The following SLC1A2 variants were observed in gnomAD, a reference collection of about 807,000 sequenced individuals.
SLC1A2 encodes excitatory amino acid transporter 2.
A neutral mutation model predicts 48.8 loss-of-function variants in SLC1A2; 15 were observed. The observed-to-expected ratio is 0.31, with a 90% CI of 0.21 to 0.47. SLC1A2 has a LOEUF of 0.47. Ranked by LOEUF, SLC1A2 falls within the 20% of genes least tolerant of loss-of-function variation. SLC1A2 has a pLI of 0.99. For missense variants in SLC1A2, 502 were observed against 730.5 expected (o/e 0.69, Z 3.61); for synonymous variants, 279 against 272.6 (o/e 1.02, Z -0.23).
chr11:35,268,373 A>G (rs1850165250), intron 9 of SLC1A2, among the ~76,000 whole-genome samples: 1 of 152,188 alleles, frequency 6.6e-6, no homozygotes, highest in Non-Finnish European at 1.5e-5. Context: ...CACACTTACT[A>G]TGTATAAGAA....
At chr11:35,299,472 C>G (rs1363851905) in intron 6 of SLC1A2, 1 of 151,932 alleles carries the variant, frequency 6.6e-6, no homozygotes, top group East Asian at 1.9e-4. Context: ...GCCTGAGAAG[C>G]TGAGGGTTCA....
At chr11:35,308,669 G>T (rs1851589744) in intron 4 of SLC1A2, among the ~76,000 whole-genome samples, 1 of 152,050 alleles carries the variant, frequency 6.6e-6, no homozygotes, top group Non-Finnish European at 1.5e-5. Flanking sequence ...GAGACCTCAT[G>T]GCCTAATCAC....
intron 1 of SLC1A2, among the ~76,000 whole-genome samples, chr11:35,362,797 G>T (rs934459814): frequency 5.3e-5 from 8 of 152,156 alleles, no homozygotes; most frequent in Non-Finnish European, 1.0e-4. Context: ...TGGATTTTCA[G>T]GTCTCATGTC....
chr11:35,290,529 G>C (rs1376091020), intron 7 of SLC1A2, among the ~76,000 whole-genome samples: 1 of 151,912 alleles, frequency 6.6e-6, no homozygotes, highest in Admixed American at 6.6e-5. Context: ...GTTATCACTG[G>C]GTGATAGAAT....
chr11:35,262,595 T>A (rs1297711174), intron 10 of SLC1A2, among the ~76,000 whole-genome samples: 3 of 152,212 alleles, frequency 2.0e-5, no homozygotes, highest in African/African-American at 7.2e-5. Context: ...TTCAAAGGAA[T>A]AAGTAAATGT....
chr11:35,356,366 G>A (rs1023854641), intron 1 of SLC1A2, among the ~76,000 whole-genome samples: 12 of 152,144 alleles, frequency 7.9e-5, no homozygotes, highest in Non-Finnish European at 1.8e-4. Context: ...TTGGTGTCCC[G>A]AGATAGTAGA....
chr11:35,282,948 C>A (rs1850689114), intron 8 of SLC1A2, among the ~76,000 whole-genome samples: 1 of 152,050 alleles, frequency 6.6e-6, no homozygotes. Context: ...TCCCTCATTG[C>A]CTTCTGCTTT....
intron 5 of SLC1A2, 107 bp downstream of exon 5, chr11:35,305,967 C>T: frequency 1.0e-6 from 1 of 985,220 alleles, no homozygotes; most frequent in Non-Finnish European, 1.5e-6. Context: ...GAGAGAGCCT[C>T]CTGCTCCACC....
chr11:35,315,808 A>AAACG lies in SLC1A2; in HGVS notation c.158-634_158-633insCGTT, dbSNP rs1555003269. 3 of 139,368 alleles carry AAACG rather than the reference A, an allele frequency of 2.2e-5. No individual in the cohort carries two copies. The Admixed American group carries it at 2.2e-4, about 10-fold the overall frequency. The allele number at this position is 139,368 out of a possible 1,614,324, so 8.6% of individuals were successfully genotyped here. ...GAGACTCCATCTCAAAAAAAAAAAA[A>AAACG]AAAGAAAGAAAGAAAGAAAGAAAAA... On this transcript the variant is annotated intron_variant, in intron 2 of 10. Transcript: ENST00000278379.
intron 1 of SLC1A2, among the ~76,000 whole-genome samples, chr11:35,380,935 C>T (rs775769554): frequency 6.6e-6 from 1 of 151,966 alleles, no homozygotes; most frequent in Non-Finnish European, 1.5e-5. Flanking sequence ...CAACATCTGA[C>T]AAAATTACAC....
chr11:35,325,179 G>A (rs994203033), intron 1 of SLC1A2, among the ~76,000 whole-genome samples: 1 of 152,196 alleles, frequency 6.6e-6, no homozygotes, highest in Non-Finnish European at 1.5e-5. Context: ...AAGCCAGCTT[G>A]CCTTGAAGCA....
chr11:35,256,850 A>G lies in SLC1A2; in HGVS notation c.*4044T>C, dbSNP rs1336424060. On this transcript the variant is annotated 3_prime_UTR_variant, in exon 11 of 11. Transcript: ENST00000278379. ...GTATAACTGCTGTGCACTTTTAGTC[A>G]TCAAACTAGATGAGAGCTAATGAGA... 6.6e-6 allele frequency: 1 copy of G among 152,146 alleles called. No homozygotes were observed. Among genetic ancestry groups the G allele is most frequent in the Non-Finnish European group, 1.5e-5 (1 of 68,032 alleles). The allele number at this position is 152,146 out of a possible 1,614,324, so 9.4% of individuals were successfully genotyped here. A position where few individuals can be genotyped will look rare whatever the true frequency, so the allele number is the denominator to read the frequency against.
chr11:35,254,318 G>A lies in SLC1A2; in HGVS notation c.*6576C>T, dbSNP rs1371463899. ...ATGCTGAGGTTTTCCAGGAGAAAGA[G>A]AAAGGGAGGGAGTTAAGGTGATTTG... On this transcript the variant is annotated 3_prime_UTR_variant, in exon 11 of 11. Transcript: ENST00000278379. The A allele has an allele frequency of 6.4e-6, 1 of 156,114 alleles. No individual in the cohort carries two copies. Among genetic ancestry groups the A allele is most frequent in the Non-Finnish European group, 1.4e-5 (1 of 70,124 alleles). The allele number at this position is 156,114 out of a possible 1,614,324, so 9.7% of individuals were successfully genotyped here. A position where few individuals can be genotyped will look rare whatever the true frequency, so the allele number is the denominator to read the frequency against.
intron 2 of SLC1A2, chr11:35,315,476 G>A (rs1474732245): frequency 7.5e-6 from 2 of 265,976 alleles, no homozygotes; most frequent in East Asian, 1.5e-4. Flanking sequence ...TTGTCTACTT[G>A]GAGCCAGAAA....
At chr11:35,314,497 G>C (rs1442831747) in intron 3 of SLC1A2, among the ~76,000 whole-genome samples, 1 of 152,132 alleles carries the variant, frequency 6.6e-6, no homozygotes, top group Non-Finnish European at 1.5e-5. Flanking sequence ...GGTGGATCAT[G>C]AGGTCAGGAG....
At chr11:35,275,143 C>A (rs1040274394) in intron 9 of SLC1A2, among the ~76,000 whole-genome samples, 1 of 152,166 alleles carries the variant, frequency 6.6e-6, no homozygotes, top group East Asian at 1.9e-4. Context: ...GCTCTATTCT[C>A]TCCAGAGAGG....
intron 8 of SLC1A2, among the ~76,000 whole-genome samples, chr11:35,283,805 C>T (rs1850717865): frequency 6.6e-6 from 1 of 152,004 alleles, no homozygotes; most frequent in East Asian, 1.9e-4. Flanking sequence ...GATCTTCTGA[C>T]CTGAAGTATA....
chr11:35,397,711 C>G (rs887886652), intron 1 of SLC1A2, among the ~76,000 whole-genome samples: 1 of 152,016 alleles, frequency 6.6e-6, no homozygotes, highest in Non-Finnish European at 1.5e-5. Context: ...GGAATTAGAG[C>G]CCTTATAAAA....
chr11:35,292,350 T>G lies in SLC1A2; in HGVS notation c.1028A>C (p.Asn343Thr), dbSNP rs1201787297. 1 of 1,612,616 alleles carries G rather than the reference T, an allele frequency of 6.2e-7. No individual in the cohort carries two copies. Among genetic ancestry groups the G allele is most frequent in the African/African-American group, 1.3e-5 (1 of 74,454 alleles). Residue 343 changes from asparagine (N) to threonine (T), a missense_variant, in exon 7 of 11, where the codon AAC becomes ACC. By Grantham distance (65) the Asn-to-Thr change is moderately conservative. Around this residue, in one of 4 missense-constraint regions of SLC1A2, gnomAD observed 309 missense variants for 480.3 expected, o/e 0.64. Coordinates refer to ENST00000278379, the MANE Select transcript of SLC1A2 (RefSeq NM_004171.4). Reference sequence around the variant, plus strand: ...AATGCCAGCAAAAAAGGAGAAGGGGTTTTTCCTGGTCACTACAAAGTAAAT... The same window carrying G: ...AATGCCAGCAAAAAAGGAGAAGGGGGTTTTCCTGGTCACTACAAAGTAAAT... ...PLIYFVVTRK[N>T]PFSFFAGIFQ...
Sources: gnomAD v4.1 joint callset for allele counts (sites outside exome capture counted in the v4.1 genomes callset) on GRCh38, gnomAD v4.1.1 for gene constraint, gnomAD v4.1.1 regional missense constraint, MANE v1.5 for transcripts, NCBI Gene and HGNC (gene_info 2026-07-23, HGNC 2026-07-21) for gene names.